Variants in PHLDB2 observed in about 807,000 individuals in gnomAD.
PHLDB2 encodes pleckstrin homology like domain family B member 2.
A neutral mutation model predicts 123.6 loss-of-function variants in PHLDB2; 71 were observed. The observed-to-expected ratio is 0.57, with a 90% confidence interval of 0.47 to 0.70. The LOEUF (loss-of-function observed/expected upper bound fraction) is 0.70. PHLDB2 is among the 30% of genes least tolerant of loss of function. PHLDB2 has a pLI of 0.00. For missense variants in PHLDB2, 1,446 were observed against 1,519.5 expected, an observed-to-expected ratio of 0.95 and a Z score of 0.80; for synonymous variants, 547 against 541.6, an observed-to-expected ratio of 1.01 and a Z score of -0.14.
intron 13 of PHLDB2, 21 bp downstream of exon 13, chr3:111,962,333 A>G (rs1205482092): frequency 1.3e-6 from 2 of 1,588,876 alleles, no homozygotes; most frequent in Non-Finnish European, 1.7e-6. Context: ...TTTATGGGTA[A>G]GGTTTCTGGT....
At chr3:111,910,266 T>C (rs1292849829) in intron 2 of PHLDB2, among the ~76,000 whole-genome samples, 1 of 152,072 alleles carries the variant, frequency 6.6e-6, no homozygotes, top group Non-Finnish European at 1.5e-5. Context: ...AAAGGAGAAA[T>C]GGGAATGGCG....
At chr3:111,934,779 T>C (rs1169439711) in intron 6 of PHLDB2, among the ~76,000 whole-genome samples, 2 of 152,202 alleles carry the variant, frequency 1.3e-5, no homozygotes, top group African/African-American at 2.4e-5. Context: ...AAATGAGTCA[T>C]TTAACTCATC....
At chr3:111,856,863 T>C (rs1033849720), upstream of PHLDB2, among the ~76,000 whole-genome samples, 2 of 152,202 alleles carry the variant, frequency 1.3e-5, no homozygotes, top group African/African-American at 4.8e-5. Context: ...ATAAACATAA[T>C]TTAAAAAGTA....
chr3:111,818,735 C>G (rs1381495162), intron 1 of PHLDB2, among the ~76,000 whole-genome samples: 1 of 152,154 alleles, frequency 6.6e-6, no homozygotes, highest in Non-Finnish European at 1.5e-5. Context: ...AAGGCTGACA[C>G]CAGTCCAGAT....
chr3:111,772,625 T>C (rs1043607539), intron 1 of PHLDB2, among the ~76,000 whole-genome samples: 22 of 152,350 alleles, frequency 1.4e-4, no homozygotes, highest in African/African-American at 5.1e-4. Flanking sequence ...ACCAGGGACC[T>C]AGCCAAGTCT....
At chr3:111,919,935 C>T (rs1374748297) in intron 4 of PHLDB2, among the ~76,000 whole-genome samples, 2 of 20,498 alleles carry the variant, frequency 9.8e-5, no homozygotes, top group East Asian at 1.8e-3. Context: ...TTCCCATGCT[C>T]TAGGGACAAA....
At chr3:111,944,815 G>C (rs779949836) in intron 8 of PHLDB2, among the ~76,000 whole-genome samples, 16 of 151,970 alleles carry the variant, frequency 1.1e-4, no homozygotes, top group Non-Finnish European at 1.8e-4. Flanking sequence ...TGGGACTACA[G>C]GTGCCTGCCA....
intron 12 of PHLDB2, among the ~76,000 whole-genome samples, chr3:111,955,641 T>C (rs543963523): frequency 3.0e-4 from 46 of 152,076 alleles, no homozygotes; most frequent in South Asian, 8.3e-4. Context: ...TTGGCAGAGA[T>C]GGGTTTTTGT....
intron 1 of PHLDB2, among the ~76,000 whole-genome samples, chr3:111,804,459 T>G (rs939386052): frequency 1.3e-5 from 2 of 152,164 alleles, no homozygotes; most frequent in Non-Finnish European, 2.9e-5. Context: ...CTGTTAGAAA[T>G]AAAGAAAGAA....
intron 1 of PHLDB2, among the ~76,000 whole-genome samples, chr3:111,834,263 TTA>T (rs2063287871): frequency 8.7e-6 from 1 of 114,702 alleles, no homozygotes; most frequent in African/African-American, 3.1e-5. Context: ...TATAATTCTA[TTA>T]TATACATAAT....
chr3:111,834,247 T>TATATATATAATTCTATTATATACATA (rs1559858382), intron 1 of PHLDB2, among the ~76,000 whole-genome samples: 1 of 93,934 alleles, frequency 1.1e-5, no homozygotes, highest in Non-Finnish European at 1.7e-5. Context: ...ATAATAGAAT[T>TATATATATAATTCTATTATATACATA]ATATATATAA....
At chr3:111,827,052 A>G (rs890553213) in intron 1 of PHLDB2, among the ~76,000 whole-genome samples, 1 of 152,202 alleles carries the variant, frequency 6.6e-6, no homozygotes, top group Non-Finnish European at 1.5e-5. Context: ...GAAAAAAGGA[A>G]AGGAAAAACA....
intron 1 of PHLDB2, among the ~76,000 whole-genome samples, chr3:111,748,552 A>C (rs2059718060): frequency 1.3e-5 from 2 of 151,480 alleles, no homozygotes; most frequent in African/African-American, 4.9e-5. Context: ...TTTTCTTGAG[A>C]CACTTGTTGC....
At chr3:111,826,185 T>G (rs2062645683) in intron 1 of PHLDB2, among the ~76,000 whole-genome samples, 1 of 152,006 alleles carries the variant, frequency 6.6e-6, no homozygotes, top group Non-Finnish European at 1.5e-5. Flanking sequence ...GGCACGTGTT[T>G]GTATTCTCAG....
upstream of PHLDB2, among the ~76,000 whole-genome samples, chr3:111,855,275 T>G (rs1281695952): frequency 3.3e-5 from 5 of 152,166 alleles, no homozygotes; most frequent in Non-Finnish European, 2.9e-5. Context: ...GGTCTGCTGT[T>G]TAGTTTACAA....
At chr3:111,836,307 T>C (rs1222782210) in intron 1 of PHLDB2, among the ~76,000 whole-genome samples, 1 of 152,112 alleles carries the variant, frequency 6.6e-6, no homozygotes, top group Non-Finnish European at 1.5e-5. Context: ...CAGAGCACAG[T>C]GCCAAATGCA....
At chr3:111,866,928 GGGGTGTGTGTGT>G (rs1387322972) in intron 1 of PHLDB2, among the ~76,000 whole-genome samples, 33 of 81,184 alleles carry the variant, frequency 4.1e-4, no homozygotes, top group South Asian at 8.7e-4. Flanking sequence ...AAGTTTCTAA[GGGGTGTGTGTGT>G]GTGTGTGTGT....
chr3:111,732,632 AG>A, exon 1 of PHLDB2: 1 of 1,535,578 alleles, frequency 6.5e-7, no homozygotes, highest in Non-Finnish European at 8.7e-7. Context: ...TCGCTGGAAC[AG>A]CCATGGGCCA....
At chr3:111,741,789 T>A (rs1223412964) in intron 1 of PHLDB2, among the ~76,000 whole-genome samples, 1 of 152,210 alleles carries the variant, frequency 6.6e-6, no homozygotes, top group Admixed American at 6.5e-5. Context: ...ATTTTAATCA[T>A]TTTTAGAAAA....
Sources: gnomAD v4.1 joint callset for allele counts (sites outside exome capture counted in the v4.1 genomes callset) on GRCh38, gnomAD v4.1.1 for gene constraint, MANE v1.5 for transcripts, NCBI Gene and HGNC (gene_info 2026-07-23, HGNC 2026-07-21) for gene names.